AASDHPPT: variants seen among roughly 807,000 people sequenced by gnomAD.
AASDHPPT encodes L-aminoadipate-semialdehyde dehydrogenase-phosphopantetheinyl transferase.
A neutral mutation model predicts 36.4 loss-of-function variants in AASDHPPT; 23 were observed. The ratio of observed to expected loss-of-function variants is 0.63; its 90% CI spans 0.45 to 0.89. AASDHPPT has a LOEUF of 0.89. Among genes scored for constraint, AASDHPPT ranks in the 40% least tolerant of loss-of-function variants. The pLI, the probability that AASDHPPT is intolerant of heterozygous loss-of-function variation, is 0.00. For synonymous variants in AASDHPPT, 115 were observed against 128.0 expected (o/e 0.90, Z 0.68); for missense variants, 377 against 378.2 (o/e 1.00, Z 0.03).
intron 2 of AASDHPPT, among the ~76,000 whole-genome samples, chr11:106,084,055 G>T (rs777062491): frequency 6.6e-6 from 1 of 151,922 alleles, no homozygotes; most frequent in East Asian, 1.9e-4. Context: ...TAATAGGCAC[G>T]TTACAGAAGA....
rs544556279 is a variant in AASDHPPT, at chr11:106,079,469, T to C, written c.186T>C (p.Ala62=). 2 of 1,603,334 alleles carry C rather than the reference T, an allele frequency of 1.2e-6. No homozygotes were observed. The highest frequency in any genetic ancestry group is 1.3e-5 in the African/African-American group (1 of 74,730). Residue 62 remains alanine, a splice_region_variant and synonymous_variant, in exon 2 of 6, where the codon GCT becomes GCC. Transcript: ENST00000278618. ...VFARDAKAAM[A]GRLMIRKLVA... ...CAAATGTTTTATGTACTTAACAGGC[T>C]GGTCGTCTGATGATAAGGAAATTAG...
chr11:106,085,581 G>A (rs1278560988), intron 2 of AASDHPPT, among the ~76,000 whole-genome samples: 1 of 152,166 alleles, frequency 6.6e-6, no homozygotes, highest in African/African-American at 2.4e-5. Context: ...GGTTAATGTT[G>A]TTAAGATATG....
Position 106,096,877 on chromosome 11 carries a change from A to G in AASDHPPT, c.900A>G (p.Glu300=), listed in dbSNP as rs760086297. The G allele has an allele frequency of 5.6e-6, 9 of 1,610,194 alleles. No homozygotes were observed. The highest frequency in any genetic ancestry group is 7.6e-6 in the Non-Finnish European group (9 of 1,178,614). The change falls in exon 6 of 6, where the codon GAA becomes GAG. Residue 300 remains glutamate (E), a synonymous_variant. Transcript: ENST00000278618. ...GGGACTGTTTTTGCTTCACAGAAGA[A>G]ATTCCAATACGAAATGGTACAAAGT... The part of the protein sequence containing the change: ...SFWDCFCFTE[E]IPIRNGTKS
In AASDHPPT at chr11:106,083,275, A is replaced by G. The variant is rs570021471; in HGVS notation, c.409+3583A>G. 6.8e-4 allele frequency among the ~76,000 whole-genome samples: 104 copies of G among 152,292 alleles called. 1 individual carries two copies. The highest frequency in any genetic ancestry group is 2.3e-3 in the African/African-American group (97 of 41,572). On this transcript the variant is annotated intron_variant, in intron 2 of 5. Coordinates refer to ENST00000278618, the MANE Select transcript of AASDHPPT (RefSeq NM_015423.3). ...ACACTATATTAGATGCCTAATAGGTATTATTTCATCTTTGTAAGACTAGTG... is the reference window on the plus strand; with the variant it reads ...ACACTATATTAGATGCCTAATAGGTGTTATTTCATCTTTGTAAGACTAGTG...
At chr11:106,095,041 G>A (rs1038708564) in intron 5 of AASDHPPT, among the ~76,000 whole-genome samples, 36 of 152,204 alleles carry the variant, frequency 2.4e-4, no homozygotes, top group Admixed American at 1.0e-3. Context: ...CAGGAGAATC[G>A]CTTGAACCTG....
Position 106,090,658 on chromosome 11 carries a change from G to C in AASDHPPT, c.511G>C (p.Asp171His). The change falls in exon 3 of 6, where the codon GAT becomes CAT. Residue 171 changes from aspartate (D) to histidine (H), a missense_variant. Physicochemically the swap from Asp to His is moderately conservative, Grantham distance 81 (BLOSUM62 -1). Transcript: ENST00000278618. ...RSFKDEWTQL[D>H]MFYRNWALKE... ...CTTTAAGGATGAGTGGACTCAGCTGGATATGTTTTATAGGAATTGGGTATA... is the reference window on the plus strand; with the variant it reads ...CTTTAAGGATGAGTGGACTCAGCTGCATATGTTTTATAGGAATTGGGTATA... The C allele has an allele frequency of 6.3e-7, 1 of 1,590,824 alleles. No individual in the cohort carries two copies. The highest frequency in any genetic ancestry group is 8.5e-7 in the Non-Finnish European group (1 of 1,170,108).
At chr11:106,078,954 A>G (rs1271982642) in intron 1 of AASDHPPT, among the ~76,000 whole-genome samples, 1 of 152,194 alleles carries the variant, frequency 6.6e-6, no homozygotes, top group African/African-American at 2.4e-5. Context: ...ATGTAGGTAC[A>G]GTAGGGTTGC....
Position 106,079,563 on chromosome 11 carries a change from C to A in AASDHPPT, c.280C>A (p.Leu94Ile). The change falls in exon 2 of 6, where the codon CTT (leucine) becomes ATT (isoleucine). Residue 94 changes from leucine to isoleucine, a missense_variant. By Grantham distance (5) the Leu-to-Ile change is conservative (BLOSUM62 2). Coordinates refer to ENST00000278618, the MANE Select transcript of AASDHPPT (RefSeq NM_015423.3). ...AAGAACTGCAAAAGGAAAACCAGTT[C>A]TTGCAAAGGACTCATCGAATCCTTA... Reference protein sequence around the residue: ...LQRTAKGKPVLAKDSSNPYPN... With the variant: ...LQRTAKGKPVIAKDSSNPYPN... 6.2e-7 allele frequency: 1 copy of A among 1,614,134 alleles called. No homozygotes were observed.
At position 106,077,905 on chromosome 11, in the gene AASDHPPT, CT is replaced by C. The variant is rs1565408763; in HGVS notation, c.183+18del. On this transcript the variant is annotated intron_variant, in intron 1 of 5. Transcript: ENST00000278618. ...CTAAGGCAGCCATGGTACTACAGGT[CT>C]TTTTTGGTATTTAGAGCCTAGGAAG... The C allele has an allele frequency of 6.2e-7, 1 of 1,612,698 alleles. No individual in the cohort carries two copies. The highest frequency in any genetic ancestry group is 8.5e-7 in the Non-Finnish European group (1 of 1,179,028).
chr11:106,093,236 A>G (rs1018488196), intron 4 of AASDHPPT: 2 of 152,188 alleles, frequency 1.3e-5, no homozygotes, highest in African/African-American at 2.4e-5. Context: ...TCAAAACAGT[A>G]TATCCATTAG....
chr11:106,083,040 C>CT (rs575329290), intron 2 of AASDHPPT, among the ~76,000 whole-genome samples: 22 of 148,576 alleles, frequency 1.5e-4, no homozygotes, highest in African/African-American at 4.9e-4. Flanking sequence ...CTTTGCTGGA[C>CT]TTTTTTTTTT....
At chr11:106,083,666 A>G (rs1481700605) in intron 2 of AASDHPPT, among the ~76,000 whole-genome samples, 1 of 152,190 alleles carries the variant, frequency 6.6e-6, no homozygotes, top group Non-Finnish European at 1.5e-5. Context: ...GGATATATAC[A>G]TATTTCAATT....
chr11:106,081,048 C>G (rs1333748654), intron 2 of AASDHPPT, among the ~76,000 whole-genome samples: 1 of 152,136 alleles, frequency 6.6e-6, no homozygotes, highest in Non-Finnish European at 1.5e-5. Context: ...TGTGTGAGAG[C>G]AAGAACCATG....
chr11:106,094,712 C>A, intron 5 of AASDHPPT, 58 bp downstream of exon 5: 1 of 1,353,104 alleles, frequency 7.4e-7, no homozygotes, highest in South Asian at 1.4e-5. Context: ...TAAGTTTGCT[C>A]TTTATTGATG....
intron 5 of AASDHPPT, chr11:106,095,953 T>C (rs1861308699): frequency 6.6e-6 from 1 of 152,354 alleles, no homozygotes; most frequent in East Asian, 1.9e-4. Context: ...TAGGCAACAG[T>C]GGCATGTTGG....
rs1430682833 is a variant in AASDHPPT at position 106,096,921 on chromosome 11, A to G, written c.*14A>G. On this transcript the variant is annotated 3_prime_UTR_variant, in exon 6 of 6. Coordinates refer to ENST00000278618, the MANE Select transcript of AASDHPPT (RefSeq NM_015423.3). ...ACAAAGTCATGATGATTCCCTGAGT[A>G]ACAAAGGGAAATGAAAACTGTTTGT... 1.3e-6 allele frequency: 2 copies of G among 1,578,010 alleles called. No individual in the cohort carries two copies. Among genetic ancestry groups the G allele is most frequent in the Admixed American group, 1.9e-5 (1 of 52,458 alleles).
chr11:106,079,645 A>G lies in AASDHPPT; in HGVS notation c.362A>G (p.Glu121Gly). Reference protein sequence around the residue: ...HQGDYAVLAAEPELQVGIDIM... With the variant: ...HQGDYAVLAAGPELQVGIDIM... ...GGAGACTATGCAGTGCTTGCTGCTG[A>G]ACCTGAGCTGCAAGTTGGAATTGAT... Residue 121 changes from glutamate (E) to glycine (G), a missense_variant, in exon 2 of 6, where the codon GAA becomes GGA. Physicochemically the swap from Glu to Gly is moderately conservative, Grantham distance 98. Transcript: ENST00000278618. 6.2e-7 allele frequency: 1 copy of G among 1,614,174 alleles called. No homozygotes were observed. Among genetic ancestry groups the G allele is most frequent in the South Asian group, 1.1e-5 (1 of 91,084 alleles).
chr11:106,094,200 A>C (rs1406386533), intron 4 of AASDHPPT: 1 of 157,562 alleles, frequency 6.3e-6, no homozygotes, highest in Non-Finnish European at 1.4e-5. Context: ...ACTTGTCCCT[A>C]CTTGCCCATT....
At chr11:106,082,121 G>C (rs1861149673) in intron 2 of AASDHPPT, among the ~76,000 whole-genome samples, 1 of 151,972 alleles carries the variant, frequency 6.6e-6, no homozygotes, top group Non-Finnish European at 1.5e-5. Flanking sequence ...GTTTTTTTTA[G>C]TTGATCTTAC....
Sources: gnomAD v4.1 joint callset for allele counts (sites outside exome capture counted in the v4.1 genomes callset) on GRCh38, gnomAD v4.1.1 for gene constraint, MANE v1.5 for transcripts, NCBI Gene and HGNC (gene_info 2026-07-23, HGNC 2026-07-21) for gene names.